Variants in TCF7L1 observed in about 807,000 individuals in gnomAD.
The protein encoded by TCF7L1 is transcription factor 7-like 1.
In TCF7L1, 18 loss-of-function variants were observed where a neutral mutation model predicts 63.7. That is an observed-to-expected ratio of 0.28 (90% CI 0.20 to 0.42). TCF7L1 has a LOEUF of 0.42. Among genes scored for constraint, TCF7L1 ranks in the 10% least tolerant of loss-of-function variants. TCF7L1 has a pLI of 1.00. For synonymous variants in TCF7L1, 355 were observed against 340.9 expected (o/e 1.04, Z -0.46); for missense variants, 654 against 779.3 (o/e 0.84, Z 1.91).
At chr2:85,266,178 C>A (rs761921544) in intron 3 of TCF7L1, among the ~76,000 whole-genome samples, 13 of 152,350 alleles carry the variant, frequency 8.5e-5, no homozygotes, top group Non-Finnish European at 1.5e-4. Context: ...CATTTAATAT[C>A]TTTCAGCTAT....
intron 3 of TCF7L1, among the ~76,000 whole-genome samples, chr2:85,203,589 C>T (rs1421192782): frequency 6.6e-6 from 1 of 151,842 alleles, no homozygotes; most frequent in Non-Finnish European, 1.5e-5. Flanking sequence ...ATTAGCCAGG[C>T]GTGGTGGTGT....
intron 4 of TCF7L1, among the ~76,000 whole-genome samples, chr2:85,288,654 C>G (rs1681617291): frequency 6.6e-6 from 1 of 152,180 alleles, no homozygotes; most frequent in South Asian, 2.1e-4. Context: ...TATGTCTAAG[C>G]AAGTCACAAC....
intron 3 of TCF7L1, among the ~76,000 whole-genome samples, chr2:85,158,351 G>T (rs886074189): frequency 2.0e-5 from 3 of 152,282 alleles, no homozygotes; most frequent in South Asian, 4.1e-4. Flanking sequence ...CTCCTTTTGG[G>T]TCTGGTGTCC....
At chr2:85,305,196 C>CT in intron 7 of TCF7L1, 64 bp from the exon 8 acceptor site, 3 of 1,610,792 alleles carry the variant, frequency 1.9e-6, no homozygotes, top group Non-Finnish European at 2.5e-6. Context: ...ACCGTGTCCT[C>CT]TGCTGGGTGG....
At chr2:85,238,332 G>T (rs547237140) in intron 3 of TCF7L1, among the ~76,000 whole-genome samples, 2 of 152,146 alleles carry the variant, frequency 1.3e-5, no homozygotes, top group Non-Finnish European at 2.9e-5. Context: ...CTGGGGCAGG[G>T]AAGGCCGTTC....
At chr2:85,144,485 G>C (rs1437040067) in intron 3 of TCF7L1, among the ~76,000 whole-genome samples, 1 of 151,106 alleles carries the variant, frequency 6.6e-6, no homozygotes, top group African/African-American at 2.4e-5. Context: ...GCCTGTAATC[G>C]CAGCTACTCA....
chr2:85,246,618 C>T (rs1410405597), intron 3 of TCF7L1, among the ~76,000 whole-genome samples: 1 of 152,236 alleles, frequency 6.6e-6, no homozygotes, highest in Non-Finnish European at 1.5e-5. Flanking sequence ...CCTGACTTCT[C>T]CATCTGGCCG....
chr2:85,229,340 C>G (rs1364166543), intron 3 of TCF7L1, among the ~76,000 whole-genome samples: 1 of 152,030 alleles, frequency 6.6e-6, no homozygotes, highest in East Asian at 1.9e-4. Flanking sequence ...AGCGAGACTC[C>G]GTCTCAAAAA....
At chr2:85,196,593 C>T (rs1330785471) in intron 3 of TCF7L1, among the ~76,000 whole-genome samples, 1 of 151,470 alleles carries the variant, frequency 6.6e-6, no homozygotes, top group Non-Finnish European at 1.5e-5. Flanking sequence ...TGGTATTAAA[C>T]GTTTGACCCC....
intron 3 of TCF7L1, among the ~76,000 whole-genome samples, chr2:85,254,136 C>A (rs138209971): frequency 1.9e-3 from 284 of 152,374 alleles, no homozygotes; most frequent in African/African-American, 6.0e-3. Flanking sequence ...GCTGCTCTCG[C>A]ATCATCTCAT....
At chr2:85,304,967 C>T (rs1197006517) in intron 7 of TCF7L1, among the ~76,000 whole-genome samples, 1 of 152,102 alleles carries the variant, frequency 6.6e-6, no homozygotes, top group African/African-American at 2.4e-5. Context: ...CAGCCTAAGC[C>T]CTTCTTTTCC....
chr2:85,271,731 C>T (rs894463628), intron 3 of TCF7L1, among the ~76,000 whole-genome samples: 2 of 152,182 alleles, frequency 1.3e-5, no homozygotes, highest in African/African-American at 4.8e-5. Context: ...ATGAGATACT[C>T]ACTAAACTTT....
At chr2:85,180,447 G>A (rs113353353) in intron 3 of TCF7L1, among the ~76,000 whole-genome samples, 5,523 of 151,996 alleles carry the variant, frequency 0.036, 111 homozygotes, top group Middle Eastern at 0.086. Context: ...CTCAGCCATC[G>A]CAGCCTCATG....
intron 3 of TCF7L1, among the ~76,000 whole-genome samples, chr2:85,216,344 G>A (rs995754067): frequency 4.6e-5 from 7 of 152,014 alleles, no homozygotes; most frequent in Non-Finnish European, 8.8e-5. Flanking sequence ...ATGTGACTGT[G>A]CAAAATGCAA....
chr2:85,190,592 G>A (rs1679021452), intron 3 of TCF7L1, among the ~76,000 whole-genome samples: 1 of 152,194 alleles, frequency 6.6e-6, no homozygotes, highest in African/African-American at 2.4e-5. Context: ...ACTGACCTAG[G>A]AACATGGGGG....
chr2:85,146,146 T>C (rs1227306308), intron 3 of TCF7L1, among the ~76,000 whole-genome samples: 1 of 152,272 alleles, frequency 6.6e-6, no homozygotes, highest in African/African-American at 2.4e-5. Flanking sequence ...GCACCTTTAG[T>C]GTTCCAGGGC....
At chr2:85,269,473 A>G (rs17026124) in intron 3 of TCF7L1, among the ~76,000 whole-genome samples, 3,057 of 152,300 alleles carry the variant, frequency 0.02, 98 homozygotes, top group African/African-American at 0.069. Flanking sequence ...TTGTTTGGCT[A>G]TATATACATT....
chr2:85,246,388 A>G (rs1239073652), intron 3 of TCF7L1, among the ~76,000 whole-genome samples: 1 of 152,266 alleles, frequency 6.6e-6, no homozygotes, highest in Non-Finnish European at 1.5e-5. Context: ...CATGCCTTTC[A>G]TGACAGAGCA....
chr2:85,142,992 T>C (rs1048535866), intron 3 of TCF7L1, among the ~76,000 whole-genome samples: 1 of 152,256 alleles, frequency 6.6e-6, no homozygotes, highest in Admixed American at 6.5e-5. Flanking sequence ...GATCTTCTAA[T>C]TGAGAAGTAT....
Sources: gnomAD v4.1 joint callset for allele counts (sites outside exome capture counted in the v4.1 genomes callset) on GRCh38, gnomAD v4.1.1 for gene constraint, MANE v1.5 for transcripts, NCBI Gene and HGNC (gene_info 2026-07-23, HGNC 2026-07-21) for gene names.